The following ESRRG variants were observed in gnomAD, a reference collection of about 807,000 sequenced individuals.
ESRRG encodes estrogen related receptor gamma.
In ESRRG, 13 loss-of-function variants were observed where a neutral mutation model predicts 44.0. That is an observed-to-expected ratio of 0.30 (90% CI 0.19 to 0.47). ESRRG has a LOEUF of 0.47. ESRRG is among the 20% of genes least tolerant of loss of function. ESRRG has a pLI of 1.00. For synonymous variants in ESRRG, 215 were observed against 214.6 expected (o/e 1.00, Z -0.02); for missense variants, 395 against 580.6 (o/e 0.68, Z 3.29).
intron 2 of ESRRG, among the ~76,000 whole-genome samples, chr1:216,796,089 T>G (rs2094463801): frequency 1.3e-5 from 2 of 152,172 alleles, no homozygotes; most frequent in Admixed American, 1.3e-4. Context: ...CTCCACCTAC[T>G]TCCTAAAAGG....
intron 2 of ESRRG, among the ~76,000 whole-genome samples, chr1:216,895,334 TATTA>T (rs1435272087): frequency 6.6e-6 from 1 of 152,172 alleles, no homozygotes; most frequent in African/African-American, 2.4e-5. Context: ...TCATAAAACC[TATTA>T]ATTAAGACCT....
Position 216,696,962 on chromosome 1 carries a change from T to G in ESRRG, c.57-19471A>C, listed in dbSNP as rs189699679. The stretch of plus-strand genomic sequence containing the variant: ...AAAGTACTACTACAAATTTGTAGAA[T>G]AAAATATCTTTTTTTTTTTTTGAGA... On this transcript the variant is annotated intron_variant, in intron 1 of 6. Transcript: ENST00000408911. 8.9e-3 allele frequency among the ~76,000 whole-genome samples: 1,351 copies of G among 151,990 alleles called. 4 individuals carry two copies. Among genetic ancestry groups the G allele is most frequent in the Non-Finnish European group, 0.015 (1,015 of 67,994 alleles).
chr1:216,655,477 C>T (rs1327526697), intron 2 of ESRRG, among the ~76,000 whole-genome samples: 2 of 152,086 alleles, frequency 1.3e-5, no homozygotes, highest in Admixed American at 6.6e-5. Flanking sequence ...AAAGAAATGA[C>T]TACACTGGGG....
intron 1 of ESRRG, among the ~76,000 whole-genome samples, chr1:217,074,175 G>A (rs2090962889): frequency 6.6e-6 from 1 of 151,362 alleles, no homozygotes; most frequent in Non-Finnish European, 1.5e-5. Flanking sequence ...AGCCTCCCCA[G>A]TAGCTGAGAT....
At chr1:217,073,175 C>T (rs1438768094) in intron 1 of ESRRG, among the ~76,000 whole-genome samples, 2 of 118,164 alleles carry the variant, frequency 1.7e-5, no homozygotes, top group African/African-American at 6.5e-5. Flanking sequence ...CTGCTGGCAC[C>T]TTGTCTTCAT....
At chr1:216,680,980 A>G (rs1205921527) in intron 1 of ESRRG, among the ~76,000 whole-genome samples, 1 of 152,220 alleles carries the variant, frequency 6.6e-6, no homozygotes, top group Non-Finnish European at 1.5e-5. Flanking sequence ...ATCTGTAGCC[A>G]AAGAGAATAA....
At chr1:216,776,775 G>C (rs1419114057) in intron 2 of ESRRG, among the ~76,000 whole-genome samples, 1 of 152,100 alleles carries the variant, frequency 6.6e-6, no homozygotes, top group Admixed American at 6.6e-5. Context: ...AGACCCCCCA[G>C]TCCTGATCAC....
chr1:216,688,541 C>G (rs552743520), intron 1 of ESRRG, among the ~76,000 whole-genome samples: 6 of 152,176 alleles, frequency 3.9e-5, no homozygotes, highest in Admixed American at 6.5e-5. Context: ...AAAAACAAGG[C>G]TTTGGTTCTC....
At chr1:216,879,003 AC>A (rs528868706) in intron 2 of ESRRG, among the ~76,000 whole-genome samples, 172 of 152,342 alleles carry the variant, frequency 1.1e-3, no homozygotes, top group African/African-American at 3.9e-3. Flanking sequence ...ATGTAGATGG[AC>A]AAAAAAGCGC....
intron 2 of ESRRG, among the ~76,000 whole-genome samples, chr1:216,786,436 G>A (rs2094129691): frequency 6.6e-6 from 1 of 151,920 alleles, no homozygotes; most frequent in Admixed American, 6.6e-5. Flanking sequence ...CATGTATTAA[G>A]CTCTGGACTA....
At position 216,794,463 on chromosome 1, in the gene ESRRG, C is replaced by G. The variant is rs1044376219; in HGVS notation, c.-13-116972G>C. Among the ~76,000 whole-genome samples the G allele has an allele frequency of 4.3e-4, 65 of 152,136 alleles. 4 individuals carry two copies. The highest frequency in any genetic ancestry group is 5.9e-5 in the Non-Finnish European group (4 of 68,028). ...CCATCCCTCCAGATCCACCAACCCCCATAGTCTGATAAGTTCCTATCGGGA... is the reference window on the plus strand; with the variant it reads ...CCATCCCTCCAGATCCACCAACCCCGATAGTCTGATAAGTTCCTATCGGGA... On this transcript the variant is annotated intron_variant, in intron 2 of 7. Coordinates refer to the ESRRG transcript ENST00000359162.
chr1:216,972,913 G>A (rs1484791917), intron 1 of ESRRG, among the ~76,000 whole-genome samples: 1 of 152,176 alleles, frequency 6.6e-6, no homozygotes. Flanking sequence ...TGGAATGGGA[G>A]TCTGTGATTT....
At chr1:217,126,538 G>A (rs1202298130) in intron 1 of ESRRG, among the ~76,000 whole-genome samples, 1 of 151,880 alleles carries the variant, frequency 6.6e-6, no homozygotes, top group African/African-American at 2.4e-5. Flanking sequence ...TCATGGTGAG[G>A]GTCAAGCTAT....
At chr1:217,075,828 G>T (rs913132479) in intron 1 of ESRRG, among the ~76,000 whole-genome samples, 5 of 152,170 alleles carry the variant, frequency 3.3e-5, no homozygotes, top group African/African-American at 4.8e-5. Context: ...CAAAGAGTTT[G>T]CCAGATAAAA....
At chr1:216,994,180 T>C (rs535161022) in intron 1 of ESRRG, among the ~76,000 whole-genome samples, 16 of 152,232 alleles carry the variant, frequency 1.1e-4, no homozygotes, top group Non-Finnish European at 1.9e-4. Context: ...GGACTGGTAA[T>C]GGGCTATAGA....
intron 2 of ESRRG, chr1:216,865,074 T>G (rs998673495): frequency 3.3e-5 from 5 of 151,374 alleles, no homozygotes; most frequent in African/African-American, 1.2e-4. Flanking sequence ...ATTCCCTTTC[T>G]CAGTGGATCT....
chr1:217,051,208 G>GGCGGGT (rs1350304346), intron 1 of ESRRG, among the ~76,000 whole-genome samples: 1 of 127,372 alleles, frequency 7.9e-6, no homozygotes, highest in Admixed American at 7.9e-5. Context: ...TGGGGGCGGG[G>GGCGGGT]GGGGGGGGTG....
intron 1 of ESRRG, among the ~76,000 whole-genome samples, chr1:217,030,699 A>T (rs1364194017): frequency 3.3e-5 from 5 of 152,236 alleles, no homozygotes; most frequent in Admixed American, 6.5e-5. Context: ...ATTTTACATT[A>T]TAAACATGTT....
intron 1 of ESRRG, among the ~76,000 whole-genome samples, chr1:217,065,414 T>G (rs774901417): frequency 1.3e-5 from 2 of 152,238 alleles, no homozygotes; most frequent in Admixed American, 6.5e-5. Context: ...TTAAAGGTGT[T>G]CTTGGAGAAT....
Sources: gnomAD v4.1 joint callset for allele counts (sites outside exome capture counted in the v4.1 genomes callset) on GRCh38, gnomAD v4.1.1 for gene constraint, MANE v1.5 for transcripts, NCBI Gene and HGNC (gene_info 2026-07-23, HGNC 2026-07-21) for gene names.